Variants in KEL observed in about 807,000 individuals in gnomAD.
KEL encodes the protein kell blood group glycoprotein.
KEL carries 96 observed loss-of-function variants against 99.5 expected under a neutral mutation model. That is an observed-to-expected ratio of 0.97 (90% CI 0.82 to 1.14). KEL has a LOEUF of 1.14. Among genes scored for constraint, KEL ranks in the 50% most tolerant of loss-of-function variants. The pLI, the probability that KEL is intolerant of heterozygous loss-of-function variation, is 0.00. For synonymous variants in KEL, 355 were observed against 354.8 expected, an observed-to-expected ratio of 1.00 and a Z score of -0.01; for missense variants, 926 against 924.2, an observed-to-expected ratio of 1.00 and a Z score of -0.03.
intron 10 of KEL, among the ~76,000 whole-genome samples, chr7:142,947,923 G>A (rs1796576301): frequency 6.6e-6 from 1 of 152,214 alleles, no homozygotes; most frequent in Admixed American, 6.5e-5. Flanking sequence ...GGGTCTGAAA[G>A]CAATTATAGG....
At chr7:142,941,912 G>A (rs879662984) in intron 18 of KEL, among the ~76,000 whole-genome samples, 1 of 151,712 alleles carries the variant, frequency 6.6e-6, no homozygotes, top group Non-Finnish European at 1.5e-5. Context: ...AGGTTCAAGC[G>A]ATTCTCGTGC....
chr7:142,958,090 C>G, intron 5 of KEL, 117 bp from the exon 6 acceptor site: 1 of 1,376,194 alleles, frequency 7.3e-7, no homozygotes, highest in Non-Finnish European at 1.0e-6. Flanking sequence ...CCTTCGATTC[C>G]TCTAGGAAGC....
chr7:142,946,121 G>T, intron 11 of KEL, 86 bp downstream of exon 11: 1 of 972,270 alleles, frequency 1.0e-6, no homozygotes, highest in South Asian at 1.4e-5. Context: ...ACACACCACT[G>T]AGAAAGTCAA....
At chr7:142,942,133 T>C in intron 18 of KEL, 1 of 474,318 alleles carries the variant, frequency 2.1e-6, no homozygotes, top group Admixed American at 3.4e-5. Context: ...AAGGCATCTG[T>C]ATTTTGGGGG....
At chr7:142,952,735 G>A (rs1190784836) in intron 9 of KEL, 97 bp from the exon 10 acceptor site, 2 of 1,382,204 alleles carry the variant, frequency 1.4e-6, no homozygotes, top group African/African-American at 2.8e-5. Flanking sequence ...TACTCGTGAA[G>A]GCAGCTCCTT....
chr7:142,954,660 AG>A, intron 6 of KEL, 133 bp from the exon 7 acceptor site: 1 of 821,600 alleles, frequency 1.2e-6, no homozygotes, highest in South Asian at 1.3e-5. Flanking sequence ...GAGAAGCAAG[AG>A]TACAAAGAAA....
At chr7:142,944,867 C>CTA in intron 11 of KEL, 126 bp from the exon 12 acceptor site, 1 of 748,720 alleles carries the variant, frequency 1.3e-6, no homozygotes, top group South Asian at 1.5e-5. Flanking sequence ...GGAGCTGCTG[C>CTA]TAGAGGAGCA....
intron 4 of KEL, 134 bp from the exon 5 acceptor site, chr7:142,958,562 A>G (rs1474504211): frequency 1.2e-6 from 1 of 808,564 alleles, no homozygotes; most frequent in South Asian, 1.5e-5. Context: ...TAACCCATGT[A>G]ACATGATTTA....
chr7:142,948,208 T>C (rs1796582772), intron 10 of KEL, among the ~76,000 whole-genome samples: 1 of 151,884 alleles, frequency 6.6e-6, no homozygotes, highest in Non-Finnish European at 1.5e-5. Flanking sequence ...CTACTACAGC[T>C]CTCTCTCAAG....
chr7:142,956,763 C>T (rs1435913812), intron 6 of KEL, among the ~76,000 whole-genome samples: 1 of 152,176 alleles, frequency 6.6e-6, no homozygotes, highest in Non-Finnish European at 1.5e-5. Flanking sequence ...TTAACCGGCC[C>T]CTAAAGGCCA....
chr7:142,958,005 G>C, intron 5 of KEL, 32 bp from the exon 6 acceptor site: 1 of 1,607,608 alleles, frequency 6.2e-7, no homozygotes, highest in Non-Finnish European at 8.5e-7. Context: ...CTGAGCATAA[G>C]GATCCGTGGA....
At chr7:142,959,621 G>T (rs1796907103) in intron 4 of KEL, among the ~76,000 whole-genome samples, 1 of 152,146 alleles carries the variant, frequency 6.6e-6, no homozygotes, top group African/African-American at 2.4e-5. Context: ...GCAAAGAGAA[G>T]AAACAGGGGA....
At chr7:142,957,015 G>GC (rs1796844619) in intron 6 of KEL, among the ~76,000 whole-genome samples, 28 of 152,154 alleles carry the variant, frequency 1.8e-4, no homozygotes, top group Admixed American at 1.8e-3. Flanking sequence ...CCTGTGATAG[G>GC]TCCTGAGAAA....
chr7:142,953,458 A>C (rs923881531), intron 9 of KEL: 6 of 881,392 alleles, frequency 6.8e-6, no homozygotes, highest in Non-Finnish European at 1.4e-6. Flanking sequence ...ACATACATAC[A>C]CTTAACTGTC....
chr7:142,953,156 G>A (rs145468178), intron 9 of KEL, among the ~76,000 whole-genome samples: 1 of 152,208 alleles, frequency 6.6e-6, no homozygotes, highest in Non-Finnish European at 1.5e-5. Flanking sequence ...CAAGCCCCTG[G>A]AAGAAAGCCA....
In KEL at chr7:142,943,199, T is replaced by A. The variant is rs929692521; in HGVS notation, c.1771+77A>T. 1.8e-5 allele frequency: 29 copies of A among 1,572,760 alleles called. No individual in the cohort carries two copies. The African/African-American group carries it at 3.6e-4, about 20-fold the overall frequency. ...ACCTCAAACCCTCAAATAACCTCCC[T>A]TTCCCCTCCAGGCCTCCCTTGTGGT... On this transcript the variant is annotated intron_variant, in intron 16 of 18. Coordinates refer to ENST00000355265, the MANE Select transcript of KEL (RefSeq NM_000420.3).
chr7:142,944,312 C>G lies in KEL; in HGVS notation c.1491+11G>C, dbSNP rs1344025306. ...AGGACTGAAAAGGAGCTGGAAAACACAGGGACCCACATCGTTGTATTCTTG... is the reference window on the plus strand; with the variant it reads ...AGGACTGAAAAGGAGCTGGAAAACAGAGGGACCCACATCGTTGTATTCTTG... On this transcript the variant is annotated intron_variant, in intron 13 of 18. Coordinates refer to ENST00000355265, the MANE Select transcript of KEL (RefSeq NM_000420.3). The G allele has an allele frequency of 6.2e-7, 1 of 1,608,516 alleles. No individual in the cohort carries two copies.
chr7:142,957,772 G>A (rs1796861702), intron 6 of KEL, 55 bp downstream of exon 6: 2 of 1,606,496 alleles, frequency 1.2e-6, no homozygotes, highest in South Asian at 2.2e-5. Context: ...GGGATGATTG[G>A]CTAGAGTTGG....
chr7:142,942,492 G>A lies in KEL; in HGVS notation c.1979C>T (p.Thr660Ile), dbSNP rs368090451. Residue 660 changes from threonine to isoleucine, a missense_variant, in exon 18 of 19, where the codon ACT (threonine) becomes ATT (isoleucine). Coordinates refer to ENST00000355265, the MANE Select transcript of KEL (RefSeq NM_000420.3). ...SKRLLRHHGE[T>I]VLPSLDLSPQ... is the part of the protein sequence containing the mutation. ...GCTGAGGTCCAGGCTGGGCAGGACA[G>A]TCTCCCCATGGTGCCGTAACAGCCT... 1.5e-5 allele frequency: 24 copies of A among 1,610,490 alleles called. No individual in the cohort carries two copies. The highest frequency in any genetic ancestry group is 1.7e-4 in the Middle Eastern group (1 of 6,058).
Sources: allele counts gnomAD v4.1 joint callset (sites outside exome capture counted in the v4.1 genomes callset), GRCh38; gene constraint gnomAD v4.1.1; transcripts MANE v1.5; gene names NCBI Gene and HGNC (gene_info 2026-07-23, HGNC 2026-07-21).